Variants in RIMS2 observed in about 807,000 individuals in gnomAD.
RIMS2 encodes the protein regulating synaptic membrane exocytosis 2, also known as regulating synaptic membrane exocytosis protein 2.
In RIMS2, 59 loss-of-function variants were observed where a neutral mutation model predicts 174.4. The observed-to-expected ratio is 0.34, with a 90% CI of 0.27 to 0.42. The LOEUF (loss-of-function observed/expected upper bound fraction) is 0.42. RIMS2 is among the 10% of genes least tolerant of loss of function. The probability of loss-of-function intolerance (pLI) is 1.00; values close to 1 mark genes in which losing one functional copy is unlikely to be tolerated. For synonymous variants in RIMS2, 606 were observed against 572.5 expected, an observed-to-expected ratio of 1.06 and a Z score of -0.84; for missense variants, 1,620 against 1,666.3, an observed-to-expected ratio of 0.97 and a Z score of 0.48.
At chr8:103,890,430 A>AT (rs969916699) in intron 4 of RIMS2, among the ~76,000 whole-genome samples, 80 of 152,128 alleles carry the variant, frequency 5.3e-4, no homozygotes, top group African/African-American at 1.7e-3. Context: ...TGATTTACAC[A>AT]TTTTTTCTAT....
intron 19 of RIMS2, among the ~76,000 whole-genome samples, chr8:104,144,806 A>G (rs1261215969): frequency 6.6e-6 from 1 of 152,044 alleles, no homozygotes; most frequent in Non-Finnish European, 1.5e-5. Flanking sequence ...CAAATTACTT[A>G]GTTTAGCACA....
chr8:104,073,669 G>T (rs1378559997), intron 19 of RIMS2, among the ~76,000 whole-genome samples: 1 of 152,160 alleles, frequency 6.6e-6, no homozygotes, highest in Non-Finnish European at 1.5e-5. Flanking sequence ...TAATATAATA[G>T]ATTGGGTTAG....
At chr8:103,847,107 A>G (rs1392145583) in intron 3 of RIMS2, among the ~76,000 whole-genome samples, 1 of 147,190 alleles carries the variant, frequency 6.8e-6, no homozygotes, top group East Asian at 2.0e-4. Context: ...CCATAGCTTT[A>G]TGTGTCCCCT....
chr8:103,586,823 A>T (rs1054054188), intron 1 of RIMS2, among the ~76,000 whole-genome samples: 5 of 152,066 alleles, frequency 3.3e-5, no homozygotes, highest in African/African-American at 1.2e-4. Flanking sequence ...TTGTTAAAAA[A>T]ATCGACAAAT....
At chr8:103,668,832 C>T (rs2136289898) in intron 1 of RIMS2, among the ~76,000 whole-genome samples, 1 of 152,136 alleles carries the variant, frequency 6.6e-6, no homozygotes, top group East Asian at 1.9e-4. Flanking sequence ...GGGTAGAAGC[C>T]ACAATGCCCA....
intron 3 of RIMS2, among the ~76,000 whole-genome samples, chr8:103,791,988 C>T (rs565978703): frequency 2.0e-5 from 3 of 152,246 alleles, no homozygotes; most frequent in South Asian, 4.1e-4. Flanking sequence ...TTTAACACCC[C>T]ACTGTCAACA....
At position 103,892,231 on chromosome 8, in the gene RIMS2, T is replaced by C. The variant is rs2099250603; in HGVS notation, c.1624+6008T>C. On this transcript the variant is annotated intron_variant, in intron 4 of 23. Coordinates refer to ENST00000504942, the Ensembl canonical transcript of RIMS2. ...TTTTTTTTTTTAATTTGAGACAGGG[T>C]CTCACTCTGTTATCCAGGCTGGAGT... Among the ~76,000 whole-genome samples the C allele has an allele frequency of 2.0e-5, 3 of 151,640 alleles. No homozygotes were observed. The South Asian group carries it at 6.3e-4, about 32-fold the overall frequency.
intron 19 of RIMS2, among the ~76,000 whole-genome samples, chr8:104,219,274 C>A (rs565194161): frequency 2.0e-5 from 3 of 152,254 alleles, no homozygotes; most frequent in African/African-American, 7.2e-5. Flanking sequence ...CAGTTAAAAT[C>A]ATATTTATAA....
At chr8:104,070,946 A>T (rs1228139680) in intron 19 of RIMS2, among the ~76,000 whole-genome samples, 1 of 152,170 alleles carries the variant, frequency 6.6e-6, no homozygotes, top group Non-Finnish European at 1.5e-5. Context: ...GCAGCAAGTA[A>T]GTGTAAGATC....
Position 103,703,276 on chromosome 8 carries a change from T to A in RIMS2, c.387+5980T>A, listed in dbSNP as rs1044757578. 5.3e-5 allele frequency among the ~76,000 whole-genome samples: 8 copies of A among 151,450 alleles called. 1 individual carries two copies. The highest frequency in any genetic ancestry group is 3.2e-3 in the Middle Eastern group (1 of 312). On this transcript the variant is annotated intron_variant, in intron 2 of 23. Transcript: ENST00000504942. Reference sequence around the variant, plus strand: ...TTTTTAAGACAAAGTCTTCCTCTTTTGCCCAGGCTGGAGTGCAGTGGCACA... The same window carrying A: ...TTTTTAAGACAAAGTCTTCCTCTTTAGCCCAGGCTGGAGTGCAGTGGCACA...
chr8:103,528,450 A>T (rs1419366131), intron 1 of RIMS2, among the ~76,000 whole-genome samples: 2 of 152,112 alleles, frequency 1.3e-5, no homozygotes, highest in African/African-American at 4.8e-5. Flanking sequence ...GGTGTTTTAG[A>T]CATGAAGTCC....
intron 2 of RIMS2, among the ~76,000 whole-genome samples, chr8:103,697,556 A>C (rs369804306): frequency 6.6e-6 from 1 of 151,054 alleles, no homozygotes; most frequent in Non-Finnish European, 1.5e-5. Context: ...GAAAAAAAAA[A>C]AAACAAAAAA....
intron 10 of RIMS2, among the ~76,000 whole-genome samples, chr8:103,923,510 G>T (rs2078133101): frequency 1.3e-5 from 2 of 151,594 alleles, no homozygotes; most frequent in Admixed American, 1.3e-4. Context: ...TATGGTAAAA[G>T]GTACATCTGT....
chr8:103,543,231 G>A lies in RIMS2; in HGVS notation c.176+42169G>A, dbSNP rs75375790. Among the ~76,000 whole-genome samples, 1,292 of 152,148 alleles carry A rather than the reference G, an allele frequency of 8.5e-3. 22 individuals carry two copies. The highest frequency in any genetic ancestry group is 0.03 in the African/African-American group (1,226 of 41,512). On this transcript the variant is annotated intron_variant, in intron 1 of 23. Coordinates refer to ENST00000504942, the Ensembl canonical transcript of RIMS2. ...AGCATTTTTGTGCAGTAAGAATGAC[G>A]TACTGGAGAAAGAAATCAAGAAAAT...
intron 19 of RIMS2, among the ~76,000 whole-genome samples, chr8:104,121,917 C>A (rs948492181): frequency 6.6e-6 from 1 of 152,176 alleles, no homozygotes. Flanking sequence ...GCATAGATCA[C>A]GCCATTGCAC....
intron 2 of RIMS2, among the ~76,000 whole-genome samples, chr8:103,711,670 T>C (rs2097305322): frequency 6.6e-6 from 1 of 151,758 alleles, no homozygotes; most frequent in South Asian, 2.1e-4. Context: ...CAAGGTGGGG[T>C]GGATTTCTTG....
At chr8:103,579,274 G>GAC (rs781702059) in intron 1 of RIMS2, among the ~76,000 whole-genome samples, 18 of 149,114 alleles carry the variant, frequency 1.2e-4, no homozygotes, top group African/African-American at 3.7e-4. Flanking sequence ...CACACACACA[G>GAC]ACACACACAC....
intron 2 of RIMS2, among the ~76,000 whole-genome samples, chr8:103,761,790 A>G (rs1025604235): frequency 1.3e-5 from 2 of 152,212 alleles, no homozygotes; most frequent in African/African-American, 2.4e-5. Flanking sequence ...AAATGCACAC[A>G]TATTTATAAG....
chr8:103,845,559 T>A (rs958291615), intron 3 of RIMS2, among the ~76,000 whole-genome samples: 4 of 152,140 alleles, frequency 2.6e-5, no homozygotes, highest in Admixed American at 6.6e-5. Context: ...TTTAGATAAG[T>A]AATATGCCCA....
Sources: allele counts gnomAD v4.1 joint callset (sites outside exome capture counted in the v4.1 genomes callset), GRCh38; gene constraint gnomAD v4.1.1; transcripts MANE v1.5; gene names NCBI Gene and HGNC (gene_info 2026-07-23, HGNC 2026-07-21).